The following ANLN variants were observed in gnomAD, a reference collection of about 807,000 sequenced individuals.
The protein encoded by ANLN is anillin, actin binding protein, also known as anillin.
In ANLN, 59 loss-of-function variants were observed where a neutral mutation model predicts 135.1. The observed-to-expected ratio is 0.44, with a 90% confidence interval of 0.35 to 0.54. The LOEUF (loss-of-function observed/expected upper bound fraction) is 0.54. Ranked by LOEUF, ANLN falls within the 20% of genes least tolerant of loss-of-function variation. The pLI is 0.00. For synonymous variants in ANLN, 406 were observed against 456.4 expected (o/e 0.89, Z 1.41); for missense variants, 1,182 against 1,340.0 (o/e 0.88, Z 1.84).
In ANLN at chr7:36,443,757, C is replaced by T. The variant is rs182794031; in HGVS notation, c.2973C>T (p.Thr991=). ...AGCATTTCAACTGACTTTTCCAGAC[C>T]ATATTTGAAGATGTTAGTGGTTTTG... is the stretch of plus-strand genomic sequence containing the variant. The part of the protein sequence containing the change: ...NSSVEERGFL[T]IFEDVSGFGA... Residue 991 remains threonine (T), a splice_region_variant and synonymous_variant, in exon 22 of 24, where the codon ACC becomes ACT. Coordinates refer to ENST00000265748, the MANE Select transcript of ANLN (RefSeq NM_018685.5). 6.2e-7 allele frequency: 1 copy of T among 1,607,892 alleles called. No homozygotes were observed. The highest frequency in any genetic ancestry group is 2.2e-5 in the East Asian group (1 of 44,820).
At chr7:36,392,496 A>G (rs1249815221) in intron 1 of ANLN, among the ~76,000 whole-genome samples, 1 of 136,894 alleles carries the variant, frequency 7.3e-6, no homozygotes, top group African/African-American at 2.9e-5. Context: ...CTACTTCTTG[A>G]ATATGTTATT....
chr7:36,412,321 ATATATATT>A (rs1348774802), intron 7 of ANLN, among the ~76,000 whole-genome samples: 29 of 113,130 alleles, frequency 2.6e-4, no homozygotes, highest in Admixed American at 7.5e-4. Flanking sequence ...ATATATATAT[ATATATATT>A]TTTTTTTTTT....
intron 20 of ANLN, among the ~76,000 whole-genome samples, chr7:36,435,412 A>G (rs1290768409): frequency 6.6e-6 from 1 of 151,642 alleles, no homozygotes; most frequent in African/African-American, 2.4e-5. Context: ...TATGTTGCCC[A>G]GGCTGGTCTT....
At chr7:36,396,730 C>G (rs1187243611) in intron 2 of ANLN, among the ~76,000 whole-genome samples, 10 of 152,200 alleles carry the variant, frequency 6.6e-5, no homozygotes, top group African/African-American at 2.4e-4. Flanking sequence ...TTTATACTTA[C>G]AGTAGTGTGT....
intron 20 of ANLN, among the ~76,000 whole-genome samples, chr7:36,428,957 T>C (rs1004488300): frequency 6.6e-6 from 1 of 151,874 alleles, no homozygotes; most frequent in African/African-American, 2.4e-5. Flanking sequence ...TTTTGTATTT[T>C]TAGTAGAGGC....
Position 36,420,317 on chromosome 7 carries a change from A to G in ANLN, c.2015+3A>G. 1 of 1,613,582 alleles carries G rather than the reference A, an allele frequency of 6.2e-7. No homozygotes were observed. The highest frequency in any genetic ancestry group is 8.5e-7 in the Non-Finnish European group (1 of 1,179,636). ...GAAGATCGTGATCTTCTTTACAGGT[A>G]AGAACATTTCTGGAAGGCATTCACT... On this transcript the variant is annotated splice_donor_region_variant and intron_variant, in intron 11 of 23. Coordinates refer to ENST00000265748, the MANE Select transcript of ANLN (RefSeq NM_018685.5).
At position 36,430,800 on chromosome 7, in the gene ANLN, C is replaced by T. The variant is rs147707064; in HGVS notation, c.2883+3772C>T. Among the ~76,000 whole-genome samples, 11 of 152,262 alleles carry T rather than the reference C, an allele frequency of 7.2e-5. No individual in the cohort carries two copies. In the East Asian group the frequency reaches 1.9e-3, roughly 27 times the overall value. On this transcript the variant is annotated intron_variant, in intron 20 of 23. Transcript: ENST00000265748. ...CCCAGCATATAACACATTACACAGT[C>T]TCCCTGGTTGTAGGTTATATTTTAC...
chr7:36,424,077 CA>C, intron 15 of ANLN, 134 bp downstream of exon 15: 3 of 942,870 alleles, frequency 3.2e-6, no homozygotes, highest in Non-Finnish European at 4.5e-6. Context: ...ACAAATAACC[CA>C]TCTTTCAATT....
intron 9 of ANLN, among the ~76,000 whole-genome samples, chr7:36,418,758 T>TC (rs890544182): frequency 6.6e-6 from 1 of 151,536 alleles, no homozygotes; most frequent in African/African-American, 2.4e-5. Flanking sequence ...TTTTTTCTTT[T>TC]TTTTTTTTGT....
intron 7 of ANLN, among the ~76,000 whole-genome samples, chr7:36,414,084 A>G (rs187724088): frequency 6.6e-6 from 1 of 152,320 alleles, no homozygotes; most frequent in Non-Finnish European, 1.5e-5. Flanking sequence ...AATGTGGGTT[A>G]AGCCAAATCT....
At chr7:36,426,141 G>T in intron 19 of ANLN, 105 bp downstream of exon 19, 1 of 810,970 alleles carries the variant, frequency 1.2e-6, no homozygotes, top group Non-Finnish European at 1.9e-6. Flanking sequence ...TGTTTACCTT[G>T]ATCTCCTTTG....
At chr7:36,411,584 A>G (rs1350520223) in intron 7 of ANLN, among the ~76,000 whole-genome samples, 2 of 152,286 alleles carry the variant, frequency 1.3e-5, no homozygotes, top group East Asian at 3.9e-4. Context: ...ATTGCTCTTT[A>G]TTCCGGTCAA....
chr7:36,435,450 G>A (rs1788493165), intron 20 of ANLN, among the ~76,000 whole-genome samples: 2 of 151,724 alleles, frequency 1.3e-5, no homozygotes, highest in African/African-American at 4.8e-5. Context: ...CGATCCTCTT[G>A]CCTCAGCCTC....
chr7:36,393,847 T>C (rs890353462), intron 1 of ANLN, among the ~76,000 whole-genome samples: 2 of 152,250 alleles, frequency 1.3e-5, no homozygotes, highest in African/African-American at 4.8e-5. Flanking sequence ...TATCTCAAGG[T>C]CAGTGCTTGT....
chr7:36,445,915 T>C (rs1350012755), intron 22 of ANLN, among the ~76,000 whole-genome samples: 3 of 152,262 alleles, frequency 2.0e-5, no homozygotes, highest in African/African-American at 4.8e-5. Flanking sequence ...ATCAGTATGA[T>C]AGATGTGAAA....
At chr7:36,400,567 T>C (rs534500388) in intron 3 of ANLN, among the ~76,000 whole-genome samples, 1 of 152,288 alleles carries the variant, frequency 6.6e-6, no homozygotes, top group African/African-American at 2.4e-5. Context: ...TTGCACCATG[T>C]TGGCCAGGCT....
intron 19 of ANLN, 115 bp from the exon 20 acceptor site, chr7:36,426,801 G>GTT: frequency 7.9e-6 from 4 of 509,280 alleles, no homozygotes; most frequent in South Asian, 4.8e-5. Context: ...AAATGAGGCA[G>GTT]TTTTTTTTTC....
At position 36,425,629 on chromosome 7, in the gene ANLN, G is replaced by C. The variant is rs1037748175; in HGVS notation, c.2710-73G>C. On this transcript the variant is annotated intron_variant, in intron 17 of 23. Coordinates refer to ENST00000265748, the MANE Select transcript of ANLN (RefSeq NM_018685.5). ...TATTTTCTATGTAGGAATTTCTCAA[G>C]GTTGGATAGTTTTACTTTCTGAGAC... 6 of 1,183,048 alleles carry C rather than the reference G, an allele frequency of 5.1e-6. No individual in the cohort carries two copies. In the African/African-American group the frequency reaches 9.4e-5, roughly 18 times the overall value. The allele number at this position is 1,183,048 out of a possible 1,614,324, so 73.3% of individuals were successfully genotyped here. A position where few individuals can be genotyped will look rare whatever the true frequency, so the allele number is the denominator to read the frequency against.
At chr7:36,414,865 G>T (rs1052596319) in intron 7 of ANLN, among the ~76,000 whole-genome samples, 7 of 152,180 alleles carry the variant, frequency 4.6e-5, no homozygotes, top group Non-Finnish European at 1.0e-4. Flanking sequence ...CACTAACTGT[G>T]TGCAAGATAC....
Sources: gnomAD v4.1 joint callset for allele counts (sites outside exome capture counted in the v4.1 genomes callset) on GRCh38, gnomAD v4.1.1 for gene constraint, MANE v1.5 for transcripts, NCBI Gene and HGNC (gene_info 2026-07-23, HGNC 2026-07-21) for gene names.